SAYSD1: variants seen among roughly 807,000 people sequenced by gnomAD.
The protein encoded by SAYSD1 is SAYSvFN domain-containing protein 1.
Under a neutral mutation model 14.5 loss-of-function variants are expected in SAYSD1, and 15 were observed. The observed-to-expected ratio is 1.03, with a 90% confidence interval of 0.69 to 1.59. SAYSD1 has a LOEUF of 1.59. Ranked by LOEUF, SAYSD1 falls within the 40% of genes most tolerant of loss-of-function variation. The probability of loss-of-function intolerance (pLI) is 0.00; values close to 1 mark genes in which losing one functional copy is unlikely to be tolerated. For synonymous variants in SAYSD1, 105 were observed against 102.6 expected, an observed-to-expected ratio of 1.02 and a Z score of -0.14; for missense variants, 247 against 227.3, an observed-to-expected ratio of 1.09 and a Z score of -0.56.
chr6:39,106,344 A>G (rs908850521), intron 1 of SAYSD1, among the ~76,000 whole-genome samples: 3 of 152,176 alleles, frequency 2.0e-5, no homozygotes, highest in African/African-American at 7.2e-5. Context: ...CCTGGCCAAC[A>G]TGGTGGAACC....
chr6:39,107,417 C>G (rs1769526759), intron 1 of SAYSD1, among the ~76,000 whole-genome samples: 1 of 151,772 alleles, frequency 6.6e-6, no homozygotes, highest in African/African-American at 2.4e-5. Context: ...TACTATAGGT[C>G]ATGTCATGTA....
chr6:39,110,348 T>A, intron 1 of SAYSD1: 1 of 207,942 alleles, frequency 4.8e-6, no homozygotes, highest in Non-Finnish European at 1.0e-5. Context: ...ACATTTGGCC[T>A]GTGCCAATGG....
In SAYSD1 at chr6:39,115,017, T is replaced by C; in HGVS notation, c.73A>G (p.Ser25Gly). The C allele has an allele frequency of 7.4e-6, 12 of 1,613,438 alleles. No homozygotes were observed. The highest frequency in any genetic ancestry group is 1.0e-5 in the Non-Finnish European group (12 of 1,179,876). Residue 25 changes from serine to glycine, a missense_variant, in exon 1 of 2, where the codon AGT (serine) becomes GGT (glycine). Transcript: ENST00000229903. Reference sequence around the variant, plus strand: ...TCTCCTGGGGTTTGTGCGCCCTGACTGGCAGCAGGGGGTTGGGCCGCCAGA... The same window carrying C: ...TCTCCTGGGGTTTGTGCGCCCTGACCGGCAGCAGGGGGTTGGGCCGCCAGA... ...AGLAAQPPAA[S>G]QGAQTPGEKA... is the part of the protein sequence containing the mutation.
chr6:39,105,449 G>GT lies in SAYSD1; in HGVS notation c.534dup (p.Pro179ThrfsTer44). 2 of 1,614,154 alleles carry GT rather than the reference G, an allele frequency of 1.2e-6. No homozygotes were observed. The highest frequency in any genetic ancestry group is 1.7e-6 in the Non-Finnish European group (2 of 1,180,004). On this transcript the variant is annotated frameshift_variant, in exon 2 of 2. Coordinates refer to ENST00000229903, the MANE Select transcript of SAYSD1 (RefSeq NM_018322.3). LOFTEE classifies it high-confidence loss of function. ...GCTGGGTCCTATCTCCCTGCCAGGG[G>GT]TCTCAACTGTAACTCGCGCTCCAAC...
rs866878922 is a variant in SAYSD1, at chr6:39,109,553, G to T, written c.208-3777C>A. Reference sequence around the variant, plus strand: ...TGGCTTTGTTGCTCCAAATGACATGGTTTAGTTATTTTGATGGCCAAAGAG... The same window carrying T: ...TGGCTTTGTTGCTCCAAATGACATGTTTTAGTTATTTTGATGGCCAAAGAG... On this transcript the variant is annotated intron_variant, in intron 1 of 1. Transcript: ENST00000229903. The T allele has an allele frequency of 1.7e-5, 25 of 1,432,392 alleles. 1 individual carries two copies. In the South Asian group the frequency reaches 3.2e-4, roughly 18 times the overall value. The allele number at this position is 1,432,392 out of a possible 1,614,324, so 88.7% of individuals were successfully genotyped here. A position where few individuals can be genotyped will look rare whatever the true frequency, so the allele number is the denominator to read the frequency against.
intron 1 of SAYSD1, among the ~76,000 whole-genome samples, chr6:39,113,889 C>G (rs1769679527): frequency 6.6e-6 from 1 of 152,194 alleles, no homozygotes; most frequent in African/African-American, 2.4e-5. Context: ...TTCTGCAAGT[C>G]AGCTGGAATC....
chr6:39,114,105 G>C (rs951732003), intron 1 of SAYSD1, among the ~76,000 whole-genome samples: 1 of 152,038 alleles, frequency 6.6e-6, no homozygotes, highest in African/African-American at 2.4e-5. Flanking sequence ...CAAAGCACTG[G>C]GCACAAATTG....
Position 39,115,037 on chromosome 6 carries a change from G to T in SAYSD1, c.53C>A (p.Ala18Glu). ...CTGACTGGCAGCAGGGGGTTGGGCCGCCAGACCCGCCCGTTTCCGCGCCGC... is the reference window on the plus strand; with the variant it reads ...CTGACTGGCAGCAGGGGGTTGGGCCTCCAGACCCGCCCGTTTCCGCGCCGC... ...FRAARKRAGL[A>E]AQPPAASQGA... Residue 18 changes from alanine (A) to glutamate (E), a missense_variant, in exon 1 of 2, where the codon GCG becomes GAG. By Grantham distance (107) the Ala-to-Glu change is moderately radical (BLOSUM62 -1). Coordinates refer to ENST00000229903, the MANE Select transcript of SAYSD1 (RefSeq NM_018322.3). 1 of 1,612,080 alleles carries T rather than the reference G, an allele frequency of 6.2e-7. No homozygotes were observed.
chr6:39,109,075 A>C (rs1011364113), intron 1 of SAYSD1, among the ~76,000 whole-genome samples: 2 of 152,148 alleles, frequency 1.3e-5, no homozygotes, highest in African/African-American at 4.8e-5. Context: ...TAGTGAGGGA[A>C]AGGAAGAAAT....
chr6:39,109,748 G>T, intron 1 of SAYSD1: 1 of 318,808 alleles, frequency 3.1e-6, no homozygotes, highest in Non-Finnish European at 4.5e-6. Context: ...TCTCCACATG[G>T]CTGTGGATGA....
intron 1 of SAYSD1, among the ~76,000 whole-genome samples, chr6:39,106,849 C>T (rs955445875): frequency 6.6e-6 from 1 of 152,180 alleles, no homozygotes; most frequent in Non-Finnish European, 1.5e-5. Context: ...GGCCCCTGTG[C>T]CAGATGCTAA....
chr6:39,106,354 CTCA>C (rs1769503298), intron 1 of SAYSD1, among the ~76,000 whole-genome samples: 1 of 152,088 alleles, frequency 6.6e-6, no homozygotes, highest in South Asian at 2.1e-4. Flanking sequence ...ATGGTGGAAC[CTCA>C]TCTCTACTAA....
intron 1 of SAYSD1, 116 bp from the exon 2 acceptor site, chr6:39,105,892 C>T: frequency 1.1e-6 from 1 of 875,462 alleles, no homozygotes; most frequent in Non-Finnish European, 1.7e-6. Flanking sequence ...TCATTGATTT[C>T]TATTCTTTCA....
Position 39,104,621 on chromosome 6 carries a change from C to G in SAYSD1, c.*811G>C, listed in dbSNP as rs151282717. 1 of 152,212 alleles carries G rather than the reference C, an allele frequency of 6.6e-6. No individual in the cohort carries two copies. Among genetic ancestry groups the G allele is most frequent in the African/African-American group, 2.4e-5 (1 of 41,456 alleles). 9.4% of individuals were successfully genotyped at this position (152,212 alleles called of 1,614,324 possible). On this transcript the variant is annotated 3_prime_UTR_variant, in exon 2 of 2. Transcript: ENST00000229903. The stretch of plus-strand genomic sequence containing the variant: ...AAACTGTGTTCCACAAAACTGGTCC[C>G]TGGTGCCAAAAAGGTTAGGGACTGC...
intron 1 of SAYSD1, chr6:39,109,528 T>C: frequency 6.9e-7 from 1 of 1,449,826 alleles, no homozygotes; most frequent in South Asian, 1.5e-5. Context: ...GAGGCCGCAG[T>C]GGCTTTGTTG....
chr6:39,105,740 G>A lies in SAYSD1; in HGVS notation c.244C>T (p.Pro82Ser). The A allele has an allele frequency of 6.2e-7, 1 of 1,614,142 alleles. No homozygotes were observed. The highest frequency in any genetic ancestry group is 8.5e-7 in the Non-Finnish European group (1 of 1,179,994). The change falls in exon 2 of 2, where the codon CCA (proline) becomes TCA (serine). Residue 82 changes from proline to serine, a missense_variant. Transcript: ENST00000229903. ...AQPQGSTSETPWNTAIPLPSC... is the reference protein window; with the variant it reads ...AQPQGSTSETSWNTAIPLPSC... ...GGCAGAGGAATGGCTGTGTTCCATGGTGTCTCTGATGTGCTGCCCTGGGGC... is the reference window on the plus strand; with the variant it reads ...GGCAGAGGAATGGCTGTGTTCCATGATGTCTCTGATGTGCTGCCCTGGGGC...
chr6:39,105,771 C>T lies in SAYSD1; in HGVS notation c.213G>A (p.Ala71=), dbSNP rs114633981. 0.012 allele frequency: 18,708 copies of T among 1,612,800 alleles called. 153 individuals are homozygous for T. Among genetic ancestry groups the T allele is most frequent in the Non-Finnish European group, 0.014 (17,073 of 1,179,136 alleles). The change falls in exon 2 of 2, where the codon GCG becomes GCA. Residue 71 remains alanine, a synonymous_variant. Coordinates refer to ENST00000229903, the MANE Select transcript of SAYSD1 (RefSeq NM_018322.3). ...ARAQPGLVQE[A]AQPQGSTSET... is the part of the protein sequence containing the mutation. ...CTGATGTGCTGCCCTGGGGCTGAGC[C>T]GCTTCCTAGGATACACAAACAAACA...
At chr6:39,106,576 T>A (rs1314286416) in intron 1 of SAYSD1, among the ~76,000 whole-genome samples, 1 of 151,996 alleles carries the variant, frequency 6.6e-6, no homozygotes, top group Non-Finnish European at 1.5e-5. Context: ...CCCCTTACCT[T>A]CCCATCCCGT....
chr6:39,109,189 G>A, intron 1 of SAYSD1: 1 of 917,188 alleles, frequency 1.1e-6, no homozygotes, highest in Non-Finnish European at 1.7e-6. Flanking sequence ...GCCAAGGCCT[G>A]GAGGTCAGGA....
Sources: allele counts gnomAD v4.1 joint callset (sites outside exome capture counted in the v4.1 genomes callset), GRCh38; gene constraint gnomAD v4.1.1; transcripts MANE v1.5; gene names NCBI Gene and HGNC (gene_info 2026-07-23, HGNC 2026-07-21).